TMEM108: variants seen among roughly 807,000 people sequenced by gnomAD.
TMEM108 encodes transmembrane protein 108.
A neutral mutation model predicts 35.1 loss-of-function variants in TMEM108; 12 were observed. The ratio of observed to expected loss-of-function variants is 0.34; its 90% CI spans 0.22 to 0.55. The LOEUF (loss-of-function observed/expected upper bound fraction) is 0.55. Ranked by LOEUF, TMEM108 falls within the 20% of genes least tolerant of loss-of-function variation. TMEM108 has a pLI of 0.89. For missense variants in TMEM108, 680 were observed against 753.3 expected (o/e 0.90, Z 1.14); for synonymous variants, 287 against 308.6 (o/e 0.93, Z 0.73).
intron 3 of TMEM108, among the ~76,000 whole-genome samples, chr3:133,340,017 C>T (rs908532576): frequency 6.6e-6 from 1 of 151,194 alleles, no homozygotes; most frequent in Non-Finnish European, 1.5e-5. Flanking sequence ...GTCAAATAAA[C>T]GACCTAATAT....
chr3:133,321,331 A>T (rs1485709323), intron 3 of TMEM108, among the ~76,000 whole-genome samples: 2 of 152,360 alleles, frequency 1.3e-5, no homozygotes, highest in East Asian at 3.9e-4. Flanking sequence ...AAGATATTCC[A>T]TGCAAATGGT....
At chr3:133,155,099 A>G (rs1206535935) in intron 2 of TMEM108, among the ~76,000 whole-genome samples, 1 of 152,146 alleles carries the variant, frequency 6.6e-6, no homozygotes, top group Admixed American at 6.6e-5. Context: ...ATAAGTGAGA[A>G]CATGTGGTAT....
intron 2 of TMEM108, among the ~76,000 whole-genome samples, chr3:133,086,455 T>G (rs944991122): frequency 3.9e-5 from 6 of 152,222 alleles, no homozygotes; most frequent in African/African-American, 1.4e-4. Context: ...TTATATTTAC[T>G]TACACATGCA....
intron 2 of TMEM108, among the ~76,000 whole-genome samples, chr3:133,102,061 T>C (rs1254749677): frequency 1.3e-5 from 2 of 152,250 alleles, no homozygotes; most frequent in African/African-American, 2.4e-5. Flanking sequence ...TTGGTTTCTA[T>C]AATATGATTA....
At chr3:133,192,101 T>C (rs1945506840) in intron 2 of TMEM108, among the ~76,000 whole-genome samples, 1 of 152,096 alleles carries the variant, frequency 6.6e-6, no homozygotes, top group Admixed American at 6.6e-5. Context: ...CTGCACAAGC[T>C]CTGACAGCTT....
intron 3 of TMEM108, among the ~76,000 whole-genome samples, chr3:133,261,678 A>G (rs7614988): frequency 0.014 from 2,176 of 152,340 alleles, 63 homozygotes; most frequent in African/African-American, 0.05. Context: ...GTTAATTCCA[A>G]TAAACGTTGA....
At chr3:133,348,672 G>T (rs1369504329) in intron 3 of TMEM108, among the ~76,000 whole-genome samples, 2 of 152,258 alleles carry the variant, frequency 1.3e-5, no homozygotes, top group East Asian at 3.9e-4. Flanking sequence ...GAGGGGCATG[G>T]TGTAGGGTGA....
intron 2 of TMEM108, among the ~76,000 whole-genome samples, chr3:133,221,660 CTTTTTTTT>C (rs3078806): frequency 2.0e-4 from 12 of 60,356 alleles, no homozygotes; most frequent in African/African-American, 3.1e-4. Flanking sequence ...ACATTGATTC[CTTTTTTTT>C]TTTTTTTTTT....
chr3:133,386,953 G>C (rs148172798), intron 4 of TMEM108: 63 of 941,318 alleles, frequency 6.7e-5, no homozygotes, highest in Non-Finnish European at 7.7e-5. Context: ...TTATCATGTG[G>C]GCTAAATAAG....
In TMEM108 at chr3:133,309,682, C is replaced by CTTTTTTTTTTTTTTTTT. The variant is rs148272827; in HGVS notation, c.41-70050_41-70034dup. ...TAGTTATGCGGGTTTGAGTGAGTTT[C>CTTTTTTTTTTTTTTTTT]TTTTTTTTTTTTTTTTTTTTTTTTT... On this transcript the variant is annotated intron_variant, in intron 3 of 5. Transcript: ENST00000321871. 7.2e-5 allele frequency among the ~76,000 whole-genome samples: 5 copies of CTTTTTTTTTTTTTTTTT among 69,196 alleles called. 1 individual carries two copies. Among genetic ancestry groups the CTTTTTTTTTTTTTTTTT allele is most frequent in the Non-Finnish European group, 8.4e-5 (3 of 35,700 alleles). 45.4% of individuals were successfully genotyped at this position (69,196 alleles called of 152,430 possible). A position where few individuals can be genotyped will look rare whatever the true frequency, so the allele number is the denominator to read the frequency against.
intron 3 of TMEM108, among the ~76,000 whole-genome samples, chr3:133,331,079 T>C (rs947792843): frequency 6.6e-6 from 1 of 152,160 alleles, no homozygotes; most frequent in African/African-American, 2.4e-5. Context: ...TGATACTACA[T>C]AGAGGTTTAC....
chr3:133,276,238 C>T (rs1421261338), intron 3 of TMEM108, among the ~76,000 whole-genome samples: 2 of 152,182 alleles, frequency 1.3e-5, no homozygotes, highest in Non-Finnish European at 2.9e-5. Flanking sequence ...TGTTTTAACT[C>T]TGGCACCTCT....
chr3:133,255,714 C>T (rs113026008), intron 3 of TMEM108, among the ~76,000 whole-genome samples: 2,177 of 152,154 alleles, frequency 0.014, 59 homozygotes, highest in African/African-American at 0.05. Context: ...AAGGGCTGGG[C>T]GTGGTGGCTC....
chr3:133,287,870 G>A (rs1947007285), intron 3 of TMEM108, among the ~76,000 whole-genome samples: 1 of 152,150 alleles, frequency 6.6e-6, no homozygotes, highest in African/African-American at 2.4e-5. Flanking sequence ...TCAAGAGCAA[G>A]CAAATTCAGA....
At chr3:133,236,203 C>A (rs907880753) in intron 3 of TMEM108, among the ~76,000 whole-genome samples, 1 of 152,070 alleles carries the variant, frequency 6.6e-6, no homozygotes, top group Admixed American at 6.6e-5. Context: ...TGTATTGTTA[C>A]TCTAGTACAC....
At chr3:133,060,168 G>A (rs1943519569) in intron 2 of TMEM108, among the ~76,000 whole-genome samples, 1 of 152,140 alleles carries the variant, frequency 6.6e-6, no homozygotes, top group African/African-American at 2.4e-5. Flanking sequence ...AGGTGGAGAG[G>A]ATAGACATTA....
intron 2 of TMEM108, among the ~76,000 whole-genome samples, chr3:133,149,580 G>A (rs1223975386): frequency 6.6e-6 from 1 of 152,218 alleles, no homozygotes; most frequent in East Asian, 1.9e-4. Flanking sequence ...CCACATGTAA[G>A]TGAGATCATA....
At chr3:133,075,964 A>G (rs1943737992) in intron 2 of TMEM108, among the ~76,000 whole-genome samples, 2 of 152,076 alleles carry the variant, frequency 1.3e-5, no homozygotes. Flanking sequence ...AAGAGTGAGG[A>G]AAGATTGCTA....
At chr3:133,050,564 A>G (rs930965986) in intron 2 of TMEM108, among the ~76,000 whole-genome samples, 4 of 152,086 alleles carry the variant, frequency 2.6e-5, no homozygotes, top group Non-Finnish European at 5.9e-5. Context: ...GGTGTTGTAC[A>G]TTCTTTGGTT....
Sources: allele counts gnomAD v4.1 joint callset (sites outside exome capture counted in the v4.1 genomes callset), GRCh38; gene constraint gnomAD v4.1.1; transcripts MANE v1.5; gene names NCBI Gene and HGNC (gene_info 2026-07-23, HGNC 2026-07-21).